Variants in SASH1 observed in about 807,000 individuals in gnomAD.
SASH1 encodes SAM and SH3 domain-containing protein 1.
A neutral mutation model predicts 125.2 loss-of-function variants in SASH1; 44 were observed. The ratio of observed to expected loss-of-function variants is 0.35; its 90% CI spans 0.28 to 0.45. The LOEUF (loss-of-function observed/expected upper bound fraction) is 0.45. SASH1 is among the 20% of genes least tolerant of loss of function. The pLI, the probability that SASH1 is intolerant of heterozygous loss-of-function variation, is 1.00. For synonymous variants in SASH1, 639 were observed against 649.1 expected (o/e 0.98, Z 0.24); for missense variants, 1,426 against 1,614.5 (o/e 0.88, Z 2.00).
chr6:148,267,064 T>A, the SASH1 span, among the ~76,000 whole-genome samples: 3 of 152,186 alleles, frequency 2.0e-5, no homozygotes, highest in Non-Finnish European at 4.4e-5. Context: ...TTCACCTCTC[T>A]GAAGTCTAGT....
the SASH1 span, among the ~76,000 whole-genome samples, chr6:148,223,485 T>C: frequency 1.3e-5 from 2 of 152,222 alleles, no homozygotes; most frequent in Admixed American, 6.5e-5. Context: ...TGATGTGGGT[T>C]ACAAGTGACC....
intron 1 of SASH1, among the ~76,000 whole-genome samples, chr6:148,332,543 A>G (rs142071255): frequency 2.0e-5 from 3 of 152,278 alleles, no homozygotes; most frequent in African/African-American, 7.2e-5. Flanking sequence ...TTTAATTTCA[A>G]TATTTAATCG....
intron 1 of SASH1, among the ~76,000 whole-genome samples, chr6:148,353,617 TAG>T (rs1425500958): frequency 6.6e-6 from 1 of 151,854 alleles, no homozygotes; most frequent in East Asian, 2.0e-4. Flanking sequence ...GTATTTTTAG[TAG>T]AGATGGGGTT....
the SASH1 span, among the ~76,000 whole-genome samples, chr6:148,251,081 C>T: frequency 6.6e-6 from 1 of 152,140 alleles, no homozygotes; most frequent in Non-Finnish European, 1.5e-5. Flanking sequence ...AAAAGACCAA[C>T]CAATAGGCCC....
chr6:148,250,985 A>T, the SASH1 span, among the ~76,000 whole-genome samples: 4 of 152,224 alleles, frequency 2.6e-5, no homozygotes, highest in African/African-American at 9.7e-5. Context: ...TAGCATATAG[A>T]TTGCATCCTT....
At chr6:148,438,729 AAAAAAAAAAAAAAAAAACCAAAACAAAC>A (rs1274968753) in intron 2 of SASH1, among the ~76,000 whole-genome samples, 1 of 132,214 alleles carries the variant, frequency 7.6e-6, no homozygotes, top group African/African-American at 2.8e-5. Flanking sequence ...TTGTGGCAAA[AAAAAAAAAAAAAAAAAACCAAAACAAAC>A]AAAAAAAAAA....
rs754387421 is a variant in SASH1, at chr6:148,403,660, TA to T, written c.285+13399del. ...ATTCTCCCTGCCTCAGCCTCCTAAG[TA>T]GCTGGGATTCCAGGTGCCTGCCACC... On this transcript the variant is annotated intron_variant, in intron 2 of 19. Coordinates refer to ENST00000367467, the MANE Select transcript of SASH1 (RefSeq NM_015278.5). Among the ~76,000 whole-genome samples, 23 of 152,270 alleles carry T rather than the reference TA, an allele frequency of 1.5e-4. No individual in the cohort carries two copies. The South Asian group carries it at 4.8e-3, about 32-fold the overall frequency.
chr6:148,303,186 G>A (rs966433013), intron 1 of SASH1, among the ~76,000 whole-genome samples: 2 of 151,872 alleles, frequency 1.3e-5, no homozygotes, highest in Non-Finnish European at 2.9e-5. Flanking sequence ...CACCATGTTG[G>A]TCAGGCTGGT....
the SASH1 span, among the ~76,000 whole-genome samples, chr6:148,198,416 C>A: frequency 1.3e-5 from 2 of 152,194 alleles, no homozygotes; most frequent in Non-Finnish European, 1.5e-5. Context: ...TCCCTTCTGT[C>A]TTTATTGATA....
At chr6:148,467,311 G>A (rs1398662123) in intron 4 of SASH1, among the ~76,000 whole-genome samples, 1 of 151,900 alleles carries the variant, frequency 6.6e-6, no homozygotes. Context: ...TGTCCAGTCT[G>A]GTCTCAAACT....
chr6:148,542,654 T>C (rs917856089), intron 17 of SASH1, among the ~76,000 whole-genome samples: 4 of 152,196 alleles, frequency 2.6e-5, no homozygotes, highest in Non-Finnish European at 4.4e-5. Flanking sequence ...CCTTAAGTTG[T>C]GATGATTTTT....
At chr6:148,378,477 C>A (rs1783001764) in intron 1 of SASH1, among the ~76,000 whole-genome samples, 1 of 152,130 alleles carries the variant, frequency 6.6e-6, no homozygotes, top group Admixed American at 6.5e-5. Flanking sequence ...ACCTCAGCTT[C>A]CTGAGTAGCT....
intron 2 of SASH1, among the ~76,000 whole-genome samples, chr6:148,405,810 A>G (rs1180142918): frequency 6.6e-6 from 1 of 152,210 alleles, no homozygotes; most frequent in Non-Finnish European, 1.5e-5. Flanking sequence ...TGCCTGGTGG[A>G]TAAGTTCTGT....
intron 4 of SASH1, among the ~76,000 whole-genome samples, chr6:148,443,492 T>TTATATA (rs141374906): frequency 9.4e-5 from 9 of 95,524 alleles, no homozygotes; most frequent in South Asian, 5.1e-4. Context: ...TATATATATT[T>TTATATA]TATATATATG....
chr6:148,465,975 T>C lies in SASH1; in HGVS notation c.387-2570T>C, dbSNP rs563445849. Among the ~76,000 whole-genome samples the C allele has an allele frequency of 9.8e-5, 15 of 152,310 alleles. No individual in the cohort carries two copies. In the South Asian group the frequency reaches 2.5e-3, roughly 25 times the overall value. ...TCTCTAACCTGTGGCTCCCCTTCCT[T>C]CGTGTTCATCCATGTACCTTACTTG... On this transcript the variant is annotated intron_variant, in intron 4 of 19. Coordinates refer to ENST00000367467, the MANE Select transcript of SASH1 (RefSeq NM_015278.5).
chr6:148,218,000 A>T, the SASH1 span, among the ~76,000 whole-genome samples: 5 of 149,858 alleles, frequency 3.3e-5, no homozygotes, highest in East Asian at 7.9e-4. Flanking sequence ...GGGTGAAAGA[A>T]TGAGACTCTG....
intron 1 of SASH1, among the ~76,000 whole-genome samples, chr6:148,322,865 A>ACCTTTCTT (rs1554234510): frequency 1.4e-5 from 2 of 143,126 alleles, no homozygotes; most frequent in Non-Finnish European, 3.1e-5. Flanking sequence ...CATCCAAATC[A>ACCTTTCTT]TCTTTCTTTC....
At chr6:148,361,859 G>T (rs914914610) in intron 1 of SASH1, among the ~76,000 whole-genome samples, 2 of 151,952 alleles carry the variant, frequency 1.3e-5, no homozygotes, top group African/African-American at 4.8e-5. Context: ...CAGAGACAGA[G>T]GGAAGCACGG....
the SASH1 span, among the ~76,000 whole-genome samples, chr6:148,213,684 G>A: frequency 1.3e-5 from 2 of 151,996 alleles, no homozygotes; most frequent in African/African-American, 4.8e-5. Context: ...CTGAAAACAG[G>A]CACTAGATTA....
Sources: allele counts gnomAD v4.1 joint callset (sites outside exome capture counted in the v4.1 genomes callset), GRCh38; gene constraint gnomAD v4.1.1; transcripts MANE v1.5; gene names NCBI Gene and HGNC (gene_info 2026-07-23, HGNC 2026-07-21).